Variants in CHRM3 observed in about 807,000 individuals in gnomAD.
The protein encoded by CHRM3 is cholinergic receptor muscarinic 3, also known as muscarinic acetylcholine receptor M3.
In CHRM3, 11 loss-of-function variants were observed where a neutral mutation model predicts 41.8. The observed-to-expected ratio is 0.26, with a 90% CI of 0.17 to 0.44. CHRM3 has a LOEUF of 0.44. Ranked by LOEUF, CHRM3 falls within the 20% of genes least tolerant of loss-of-function variation. The pLI is 1.00. For missense variants in CHRM3, 571 were observed against 745.4 expected (o/e 0.77, Z 2.72); for synonymous variants, 297 against 301.4 (o/e 0.99, Z 0.15).
chr1:239,885,839 C>A (rs1011801951), intron 6 of CHRM3, among the ~76,000 whole-genome samples: 1 of 152,146 alleles, frequency 6.6e-6, no homozygotes, highest in African/African-American at 2.4e-5. Context: ...AGGTAATGAT[C>A]CCAGGGCACT....
At position 239,913,313 on chromosome 1, in the gene CHRM3, A is replaced by G. The variant is rs1047077419; in HGVS notation, c.*4089A>G. 1.8e-5 allele frequency: 3 copies of G among 167,000 alleles called. No individual in the cohort carries two copies. The highest frequency in any genetic ancestry group is 7.3e-5 in the African/African-American group (3 of 41,378). 10.3% of individuals were successfully genotyped at this position (167,000 alleles called of 1,614,324 possible). On this transcript the variant is annotated 3_prime_UTR_variant, in exon 7 of 7. Coordinates refer to ENST00000676153, the MANE Select transcript of CHRM3 (RefSeq NM_001375978.1). ...GTTTTGCAATAGCATTTCTCATAAC[A>G]GAACTGAAACTGTATAGATTACAAC...
chr1:239,596,622 A>G (rs1458843754), intron 3 of CHRM3, among the ~76,000 whole-genome samples: 1 of 152,198 alleles, frequency 6.6e-6, no homozygotes, highest in Non-Finnish European at 1.5e-5. Flanking sequence ...TTAATAAATT[A>G]ATTGATTAGT....
chr1:239,395,138 TG>T (rs1421518265), intron 1 of CHRM3, among the ~76,000 whole-genome samples: 1 of 152,174 alleles, frequency 6.6e-6, no homozygotes, highest in African/African-American at 2.4e-5. Flanking sequence ...TTCTCTCCTC[TG>T]GTTCTTTTCT....
At chr1:239,500,418 AG>A (rs755800756) in intron 2 of CHRM3, among the ~76,000 whole-genome samples, 2 of 150,312 alleles carry the variant, frequency 1.3e-5, no homozygotes, top group Non-Finnish European at 3.0e-5. Flanking sequence ...TTGAACAATG[AG>A]AAGACTTGGA....
At chr1:239,823,722 T>C (rs995960886) in intron 5 of CHRM3, among the ~76,000 whole-genome samples, 2 of 152,010 alleles carry the variant, frequency 1.3e-5, no homozygotes, top group African/African-American at 4.8e-5. Flanking sequence ...ATTTTTCCAA[T>C]AGGAAAGGCC....
chr1:239,834,810 G>A (rs1390995627), intron 6 of CHRM3, among the ~76,000 whole-genome samples: 2 of 146,898 alleles, frequency 1.4e-5, no homozygotes, highest in African/African-American at 2.7e-5. Context: ...TCTACCCCAC[G>A]ATCTAGTACC....
intron 5 of CHRM3, among the ~76,000 whole-genome samples, chr1:239,791,669 CT>C (rs1669361416): frequency 6.6e-6 from 1 of 152,176 alleles, no homozygotes; most frequent in South Asian, 2.1e-4. Context: ...AGTATAATCT[CT>C]GCCAGCTCAG....
At chr1:239,904,885 G>T (rs371015601) in intron 6 of CHRM3, among the ~76,000 whole-genome samples, 1 of 152,138 alleles carries the variant, frequency 6.6e-6, no homozygotes, top group African/African-American at 2.4e-5. Flanking sequence ...AGGTGAACAT[G>T]TGTACATGTA....
At chr1:239,562,063 A>T (rs1164344757) in intron 3 of CHRM3, among the ~76,000 whole-genome samples, 1 of 152,136 alleles carries the variant, frequency 6.6e-6, no homozygotes, top group East Asian at 1.9e-4. Context: ...TTCAGGATAC[A>T]ATGTTTGACA....
chr1:239,582,792 G>A (rs1663020995), intron 3 of CHRM3, among the ~76,000 whole-genome samples: 3 of 152,088 alleles, frequency 2.0e-5, no homozygotes, highest in South Asian at 4.1e-4. Context: ...AGTGACTAGC[G>A]TGAAATTTCC....
chr1:239,604,547 G>A (rs1229440949), intron 3 of CHRM3, among the ~76,000 whole-genome samples: 1 of 152,172 alleles, frequency 6.6e-6, no homozygotes, highest in African/African-American at 2.4e-5. Context: ...AGAGACAAGT[G>A]AATCTCTGCT....
intron 5 of CHRM3, among the ~76,000 whole-genome samples, chr1:239,817,327 A>C (rs1037657103): frequency 1.3e-5 from 2 of 152,104 alleles, no homozygotes; most frequent in Non-Finnish European, 2.9e-5. Context: ...TCTTCCTTCC[A>C]TCTATGTAAC....
chr1:239,413,955 G>A (rs990931323), intron 1 of CHRM3, among the ~76,000 whole-genome samples: 4 of 152,158 alleles, frequency 2.6e-5, no homozygotes, highest in South Asian at 2.1e-4. Context: ...GTAAGATATC[G>A]AAATAACACA....
chr1:239,603,698 G>A (rs34715966), intron 3 of CHRM3, among the ~76,000 whole-genome samples: 491 of 151,950 alleles, frequency 3.2e-3, no homozygotes, highest in Non-Finnish European at 5.1e-3. Flanking sequence ...TATATGATTC[G>A]CTCACAGGGT....
intron 5 of CHRM3, among the ~76,000 whole-genome samples, chr1:239,773,485 T>C (rs1178433485): frequency 6.6e-6 from 1 of 152,228 alleles, no homozygotes; most frequent in African/African-American, 2.4e-5. Context: ...TTACTTTTGC[T>C]ATTTCTTACT....
intron 5 of CHRM3, among the ~76,000 whole-genome samples, chr1:239,711,112 A>G (rs770989652): frequency 5.9e-5 from 9 of 152,150 alleles, no homozygotes; most frequent in Non-Finnish European, 1.0e-4. Flanking sequence ...ATGCAGCTGC[A>G]GTGGCACAGA....
intron 6 of CHRM3, among the ~76,000 whole-genome samples, chr1:239,887,064 GCTGGGCTC>G (rs1337018586): frequency 3.3e-5 from 5 of 152,094 alleles, no homozygotes; most frequent in Non-Finnish European, 7.3e-5. Flanking sequence ...CGTGTTTCCA[GCTGGGCTC>G]CTTTACTTTA....
chr1:239,584,560 T>G (rs1435253544), intron 3 of CHRM3, among the ~76,000 whole-genome samples: 1 of 152,182 alleles, frequency 6.6e-6, no homozygotes, highest in African/African-American at 2.4e-5. Context: ...AGAACATATG[T>G]AAGAAAAGAA....
intron 6 of CHRM3, among the ~76,000 whole-genome samples, chr1:239,871,283 C>T (rs900222487): frequency 3.0e-4 from 46 of 152,080 alleles, no homozygotes; most frequent in African/African-American, 9.9e-4. Context: ...CGCTCTGTTG[C>T]GAGGCTGGAA....
Sources: gnomAD v4.1 joint callset for allele counts (sites outside exome capture counted in the v4.1 genomes callset) on GRCh38, gnomAD v4.1.1 for gene constraint, MANE v1.5 for transcripts, NCBI Gene and HGNC (gene_info 2026-07-23, HGNC 2026-07-21) for gene names.